Variants in ADAM9 observed in about 807,000 individuals in gnomAD.
The protein encoded by ADAM9 is ADAM metallopeptidase domain 9.
A neutral mutation model predicts 108.1 loss-of-function variants in ADAM9; 54 were observed. The observed-to-expected ratio is 0.50, with a 90% CI of 0.40 to 0.63. The LOEUF is 0.63. ADAM9 is among the 20% of genes least tolerant of loss of function. The pLI, the probability that ADAM9 is intolerant of heterozygous loss-of-function variation, is 0.00. For synonymous variants in ADAM9, 316 were observed against 336.0 expected, an observed-to-expected ratio of 0.94 and a Z score of 0.65; for missense variants, 830 against 997.7, an observed-to-expected ratio of 0.83 and a Z score of 2.26.
chr8:39,095,781 G>A (rs1018312696), intron 20 of ADAM9, among the ~76,000 whole-genome samples: 9 of 152,124 alleles, frequency 5.9e-5, no homozygotes, highest in Non-Finnish European at 7.4e-5. Context: ...ATTAATATTC[G>A]CTTTATATAT....
intron 3 of ADAM9, among the ~76,000 whole-genome samples, chr8:39,012,232 A>T (rs1006627572): frequency 9.2e-5 from 14 of 152,184 alleles, no homozygotes; most frequent in African/African-American, 3.1e-4. Context: ...TTTTCTGGGG[A>T]GCCCAGGCAC....
chr8:39,100,334 G>GA (rs1193546349), intron 20 of ADAM9, among the ~76,000 whole-genome samples: 2 of 149,920 alleles, frequency 1.3e-5, no homozygotes, highest in South Asian at 2.1e-4. Context: ...CTAAAAATAC[G>GA]AAAAAAAAAT....
chr8:39,017,842 C>G (rs1308039480), intron 6 of ADAM9, among the ~76,000 whole-genome samples: 1 of 152,230 alleles, frequency 6.6e-6, no homozygotes, highest in Non-Finnish European at 1.5e-5. Flanking sequence ...ATCCTCCTGC[C>G]TCAGCTTCCC....
Position 39,071,386 on chromosome 8 carries a change from C to T in ADAM9, c.1680C>T (p.Tyr560=), listed in dbSNP as rs752333168. 15 of 1,605,646 alleles carry T rather than the reference C, an allele frequency of 9.3e-6. No individual in the cohort carries two copies. The highest frequency in any genetic ancestry group is 3.3e-5 in the South Asian group (3 of 90,952). ...FGNCGFSGNE[Y]KKCATGNALC... ...ATTGTGGTTTCTCTGGCAATGAATA[C>T]AAGAAGTGTGCCACTGGGTAAGTGG... Residue 560 remains tyrosine, a synonymous_variant, in exon 15 of 22, where the codon TAC becomes TAT. Coordinates refer to ENST00000487273, the MANE Select transcript of ADAM9 (RefSeq NM_003816.3).
At chr8:39,042,445 C>CGTGAA (rs1323601324) in intron 12 of ADAM9, among the ~76,000 whole-genome samples, 15 of 152,100 alleles carry the variant, frequency 9.9e-5, no homozygotes, top group Non-Finnish European at 1.9e-4. Context: ...TAAGCTTTCA[C>CGTGAA]CATTCTGGCA....
chr8:39,055,471 G>A, intron 13 of ADAM9, 106 bp from the exon 14 acceptor site: 1 of 1,124,824 alleles, frequency 8.9e-7, no homozygotes, highest in Non-Finnish European at 1.3e-6. Flanking sequence ...TTAATCTTTT[G>A]CTATTGTTAG....
intron 20 of ADAM9, among the ~76,000 whole-genome samples, chr8:39,098,639 A>T (rs1193791388): frequency 2.6e-5 from 4 of 152,204 alleles, no homozygotes; most frequent in Admixed American, 2.6e-4. Flanking sequence ...ATTGTTTGTT[A>T]TAGTTTTATT....
At chr8:39,083,303 T>G (rs1169194573) in intron 18 of ADAM9, among the ~76,000 whole-genome samples, 2 of 152,236 alleles carry the variant, frequency 1.3e-5, no homozygotes, top group African/African-American at 4.8e-5. Flanking sequence ...ATTTTTCATC[T>G]TGCTTCCTAT....
intron 8 of ADAM9, among the ~76,000 whole-genome samples, chr8:39,022,888 A>G (rs953147103): frequency 6.6e-6 from 1 of 151,748 alleles, no homozygotes; most frequent in Non-Finnish European, 1.5e-5. Flanking sequence ...TAATTTTTGT[A>G]TTTTAGTAGA....
chr8:39,002,482 C>G (rs1270138730), intron 1 of ADAM9, among the ~76,000 whole-genome samples: 1 of 151,714 alleles, frequency 6.6e-6, no homozygotes, highest in Non-Finnish European at 1.5e-5. Flanking sequence ...CCACGCCCGG[C>G]TAATTTTTGT....
At chr8:39,003,485 T>A (rs141863578) in intron 1 of ADAM9, among the ~76,000 whole-genome samples, 107 of 146,204 alleles carry the variant, frequency 7.3e-4, no homozygotes, top group African/African-American at 2.1e-3. Flanking sequence ...ATTTGGAATT[T>A]AAAAAAAAAA....
intron 15 of ADAM9, chr8:39,076,347 G>T (rs2129441809): frequency 6.6e-6 from 1 of 152,328 alleles, no homozygotes; most frequent in East Asian, 1.9e-4. Context: ...AGATATCTGT[G>T]TAGTCTCATG....
intron 13 of ADAM9, 126 bp downstream of exon 13, chr8:39,054,699 A>C: frequency 1.4e-6 from 1 of 728,810 alleles, no homozygotes; most frequent in Non-Finnish European, 2.3e-6. Context: ...TCATGGGAAA[A>C]ATTTTATGCC....
intron 1 of ADAM9, among the ~76,000 whole-genome samples, chr8:39,001,103 A>C (rs1053238140): frequency 6.6e-6 from 1 of 152,164 alleles, no homozygotes; most frequent in Non-Finnish European, 1.5e-5. Flanking sequence ...AATCAGTCTT[A>C]TTGAAAGGCT....
At chr8:39,098,722 A>G (rs1006674415) in intron 20 of ADAM9, among the ~76,000 whole-genome samples, 1 of 152,088 alleles carries the variant, frequency 6.6e-6, no homozygotes, top group Non-Finnish European at 1.5e-5. Context: ...GATCATTTTA[A>G]TATGTATGCC....
intron 1 of ADAM9, 39 bp from the exon 2 acceptor site, chr8:39,007,847 C>T (rs1230024992): frequency 1.4e-6 from 2 of 1,418,550 alleles, no homozygotes; most frequent in East Asian, 2.3e-5. Context: ...CGTAGTTTTT[C>T]AGTTTCACTT....
At chr8:39,038,044 T>A (rs1588365594) in intron 11 of ADAM9, among the ~76,000 whole-genome samples, 1 of 152,180 alleles carries the variant, frequency 6.6e-6, no homozygotes, top group Non-Finnish European at 1.5e-5. Flanking sequence ...TTAATGGCTG[T>A]TCCTTTAAAA....
At chr8:39,090,284 T>G (rs1839312056) in intron 19 of ADAM9, 96 bp downstream of exon 19, 1 of 1,054,980 alleles carries the variant, frequency 9.5e-7, no homozygotes. Flanking sequence ...TGATTCCCCC[T>G]GCCTCAGCCT....
chr8:39,035,600 C>T (rs759375667), intron 11 of ADAM9, among the ~76,000 whole-genome samples: 6 of 152,124 alleles, frequency 3.9e-5, no homozygotes, highest in Non-Finnish European at 7.4e-5. Flanking sequence ...AGGTGGATCA[C>T]GAGGTCAGGA....
Sources: allele counts gnomAD v4.1 joint callset (sites outside exome capture counted in the v4.1 genomes callset), GRCh38; gene constraint gnomAD v4.1.1; transcripts MANE v1.5; gene names NCBI Gene and HGNC (gene_info 2026-07-23, HGNC 2026-07-21).